TSGA10: variants seen among roughly 807,000 people sequenced by gnomAD.
The protein encoded by TSGA10 is testis specific 10.
TSGA10 carries 43 observed loss-of-function variants against 96.6 expected under a neutral mutation model. That is an observed-to-expected ratio of 0.44 (90% CI 0.35 to 0.57). The LOEUF (loss-of-function observed/expected upper bound fraction) is 0.57. Among genes scored for constraint, TSGA10 ranks in the 20% least tolerant of loss-of-function variants. TSGA10 has a pLI of 0.01. For missense variants in TSGA10, 703 were observed against 834.4 expected, an observed-to-expected ratio of 0.84 and a Z score of 1.94; for synonymous variants, 229 against 269.9, an observed-to-expected ratio of 0.85 and a Z score of 1.48.
chr2:99,058,896 G>A (rs912538957), intron 16 of TSGA10, among the ~76,000 whole-genome samples: 58 of 151,440 alleles, frequency 3.8e-4, no homozygotes, highest in African/African-American at 1.4e-3. Flanking sequence ...AATTTGCTGG[G>A]CATAGTGGTG....
At chr2:99,127,559 A>T (rs1216898012) in intron 1 of TSGA10, among the ~76,000 whole-genome samples, 2 of 152,238 alleles carry the variant, frequency 1.3e-5, no homozygotes, top group African/African-American at 2.4e-5. Context: ...TATCACAAAG[A>T]GTGAATTTCC....
intron 10 of TSGA10, among the ~76,000 whole-genome samples, 163 bp downstream of exon 10, chr2:99,103,804 C>G (rs1453563): frequency 0.51 from 77,249 of 151,990 alleles, 21,552 homozygotes; most frequent in Middle Eastern, 0.7. Flanking sequence ...TGTGATTGAG[C>G]TCAGGAAAAT....
At chr2:99,063,701 G>C (rs956688684) in intron 16 of TSGA10, among the ~76,000 whole-genome samples, 3 of 152,020 alleles carry the variant, frequency 2.0e-5, no homozygotes. Context: ...AGCTACTTGG[G>C]AGGTTGAGGC....
At chr2:99,107,502 C>T (rs1239557296) in intron 7 of TSGA10, among the ~76,000 whole-genome samples, 1 of 152,024 alleles carries the variant, frequency 6.6e-6, no homozygotes, top group African/African-American at 2.4e-5. Context: ...AATATAAACC[C>T]CATATAAGGC....
At chr2:99,078,959 A>T (rs987989151) in intron 11 of TSGA10, 146 bp from the exon 12 acceptor site, 17 of 657,466 alleles carry the variant, frequency 2.6e-5, no homozygotes, top group East Asian at 9.5e-5. Context: ...ATCCCAAATT[A>T]AAAAAATTTT....
intron 4 of TSGA10, among the ~76,000 whole-genome samples, chr2:99,112,258 T>C (rs1021067441): frequency 6.6e-6 from 1 of 152,244 alleles, no homozygotes; most frequent in South Asian, 2.1e-4. Context: ...GTAGTATATA[T>C]TCTAGCCAAA....
intron 1 of TSGA10, among the ~76,000 whole-genome samples, chr2:99,129,714 C>T (rs2092988549): frequency 6.6e-6 from 1 of 152,170 alleles, no homozygotes; most frequent in African/African-American, 2.4e-5. Flanking sequence ...GTACCGTTCT[C>T]AGAGAAGGCA....
chr2:99,043,748 C>A (rs906860046), intron 16 of TSGA10, among the ~76,000 whole-genome samples: 2 of 152,098 alleles, frequency 1.3e-5, no homozygotes, highest in African/African-American at 4.8e-5. Context: ...GCTCAAAAAA[C>A]AAAACAACCC....
At chr2:99,081,431 A>C (rs965396386) in intron 10 of TSGA10, 34 bp from the exon 11 acceptor site, 3 of 1,354,500 alleles carry the variant, frequency 2.2e-6, no homozygotes, top group Non-Finnish European at 3.0e-6. Context: ...CTAATTCTGA[A>C]ATTTTTGTTT....
chr2:99,007,287 A>G (rs759850577), intron 20 of TSGA10, among the ~76,000 whole-genome samples: 6 of 152,246 alleles, frequency 3.9e-5, no homozygotes, highest in Non-Finnish European at 2.9e-5. Context: ...ATCTTAAAGT[A>G]TAAGAATAAA....
intron 20 of TSGA10, among the ~76,000 whole-genome samples, chr2:99,001,127 T>A (rs1044409249): frequency 6.6e-6 from 1 of 152,184 alleles, no homozygotes; most frequent in African/African-American, 2.4e-5. Flanking sequence ...GCAGTGGTTC[T>A]CCCAGCATGG....
chr2:99,058,251 C>A (rs1341393757), intron 16 of TSGA10, among the ~76,000 whole-genome samples: 1 of 152,082 alleles, frequency 6.6e-6, no homozygotes, highest in Non-Finnish European at 1.5e-5. Context: ...AAATTGTATA[C>A]TTTAAGTGGA....
chr2:99,113,397 A>G (rs2091977925), intron 4 of TSGA10, among the ~76,000 whole-genome samples: 1 of 152,158 alleles, frequency 6.6e-6, no homozygotes, highest in Non-Finnish European at 1.5e-5. Flanking sequence ...GGGAGAATAA[A>G]CTTCCACAAA....
chr2:99,124,658 C>T (rs1229670640), intron 2 of TSGA10: 1 of 152,116 alleles, frequency 6.6e-6, no homozygotes, highest in Non-Finnish European at 1.5e-5. Context: ...GATCTTGGCT[C>T]ACTGCAACCT....
chr2:99,074,000 CTTTTTTTTTTTTTTTTT>C (rs1167854716), intron 12 of TSGA10, among the ~76,000 whole-genome samples: 1 of 52,608 alleles, frequency 1.9e-5, no homozygotes, highest in Non-Finnish European at 3.7e-5. Flanking sequence ...TGTTTCTTTT[CTTTTTTTTTTTTTTTTT>C]TTTTTTTTTT....
intron 4 of TSGA10, among the ~76,000 whole-genome samples, chr2:99,114,944 A>T (rs58595226): frequency 0.048 from 7,304 of 152,046 alleles, 340 homozygotes; most frequent in East Asian, 0.2. Flanking sequence ...ATATATATAT[A>T]TTTTTTTGAG....
chr2:99,123,965 C>T (rs980824270), intron 2 of TSGA10, among the ~76,000 whole-genome samples: 3 of 152,106 alleles, frequency 2.0e-5, no homozygotes, highest in East Asian at 1.9e-4. Context: ...TACTGGAGTC[C>T]GTGTTTTCAA....
chr2:99,056,513 T>C (rs943065922), intron 16 of TSGA10, among the ~76,000 whole-genome samples: 4 of 151,938 alleles, frequency 2.6e-5, no homozygotes, highest in Non-Finnish European at 5.9e-5. Flanking sequence ...TCATGAAAAA[T>C]AGACTATCTG....
intron 10 of TSGA10, among the ~76,000 whole-genome samples, chr2:99,102,968 A>C (rs2090940332): frequency 6.6e-6 from 1 of 152,074 alleles, no homozygotes; most frequent in Admixed American, 6.6e-5. Flanking sequence ...CTTTTTGTAA[A>C]ATGTTCTGCT....
Sources: allele counts gnomAD v4.1 joint callset (sites outside exome capture counted in the v4.1 genomes callset), GRCh38; gene constraint gnomAD v4.1.1; transcripts MANE v1.5; gene names NCBI Gene and HGNC (gene_info 2026-07-23, HGNC 2026-07-21).